Variants in CTNNA3 observed in about 807,000 individuals in gnomAD.
The protein encoded by CTNNA3 is catenin alpha-3.
CTNNA3 carries 76 observed loss-of-function variants against 95.7 expected under a neutral mutation model. That is an observed-to-expected ratio of 0.79 (90% CI 0.66 to 0.96). The LOEUF (loss-of-function observed/expected upper bound fraction) is 0.96. Among genes scored for constraint, CTNNA3 ranks in the 40% least tolerant of loss-of-function variants. The pLI is 0.00. For synonymous variants in CTNNA3, 431 were observed against 374.4 expected, an observed-to-expected ratio of 1.15 and a Z score of -1.74; for missense variants, 1,191 against 1,089.8, an observed-to-expected ratio of 1.09 and a Z score of -1.31.
chr10:67,482,745 T>A (rs1255244933), intron 5 of CTNNA3, among the ~76,000 whole-genome samples: 2 of 152,138 alleles, frequency 1.3e-5, no homozygotes, highest in African/African-American at 4.8e-5. Flanking sequence ...TTTATTTCCT[T>A]CTCCTGCCTG....
chr10:66,888,647 G>T (rs1281687280), intron 7 of CTNNA3, among the ~76,000 whole-genome samples: 2 of 152,006 alleles, frequency 1.3e-5, no homozygotes, highest in Non-Finnish European at 2.9e-5. Flanking sequence ...CAACCTCATA[G>T]AGAAATGCAA....
chr10:67,629,607 G>A (rs1345319033), intron 2 of CTNNA3, among the ~76,000 whole-genome samples: 1 of 152,176 alleles, frequency 6.6e-6, no homozygotes, highest in African/African-American at 2.4e-5. Context: ...CTGCTAATGG[G>A]ACTTCCTTTG....
intron 5 of CTNNA3, among the ~76,000 whole-genome samples, chr10:67,369,998 A>C (rs1314910407): frequency 6.6e-6 from 1 of 152,204 alleles, no homozygotes; most frequent in Non-Finnish European, 1.5e-5. Context: ...AGTTGTATAT[A>C]TGCATGTGTA....
At chr10:67,728,461 A>G (rs1841256973) in intron 1 of CTNNA3, among the ~76,000 whole-genome samples, 1 of 150,716 alleles carries the variant, frequency 6.6e-6, no homozygotes, top group African/African-American at 2.4e-5. Context: ...ATAGAGATAT[A>G]CATATTTTTT....
chr10:66,939,838 T>G (rs2132674655), intron 7 of CTNNA3, among the ~76,000 whole-genome samples: 1 of 152,324 alleles, frequency 6.6e-6, no homozygotes, highest in Middle Eastern at 3.4e-3. Context: ...TTACCTTCTA[T>G]TTGAAATTCC....
rs1468903303 is a variant in CTNNA3 at position 65,952,376 on chromosome 10, G to A, written c.2400+14236C>T. Among the ~76,000 whole-genome samples the A allele has an allele frequency of 2.0e-5, 3 of 152,024 alleles. No individual in the cohort carries two copies. The East Asian group carries it at 5.8e-4, about 29-fold the overall frequency. On this transcript the variant is annotated intron_variant, in intron 17 of 17. Coordinates refer to ENST00000433211, the MANE Select transcript of CTNNA3 (RefSeq NM_013266.4). ...AAGAAACAAAAAGCAACACTCAATAGGGTTGAATTTACTGAAGCATCTTCT... is the reference window on the plus strand; with the variant it reads ...AAGAAACAAAAAGCAACACTCAATAAGGTTGAATTTACTGAAGCATCTTCT...
At chr10:67,375,395 CAG>C (rs1843647321) in intron 5 of CTNNA3, among the ~76,000 whole-genome samples, 1 of 152,134 alleles carries the variant, frequency 6.6e-6, no homozygotes. Flanking sequence ...CACCTGAGGT[CAG>C]GAGTTCACAA....
chr10:66,081,828 G>A (rs910389021), intron 14 of CTNNA3, among the ~76,000 whole-genome samples: 1 of 152,046 alleles, frequency 6.6e-6, no homozygotes, highest in African/African-American at 2.4e-5. Flanking sequence ...TTAAAGCACT[G>A]CACTTTGGCT....
At chr10:66,198,827 G>A (rs765650860) in intron 13 of CTNNA3, among the ~76,000 whole-genome samples, 2 of 152,074 alleles carry the variant, frequency 1.3e-5, no homozygotes, top group African/African-American at 2.4e-5. Flanking sequence ...GTAACTTCAT[G>A]ATTATTGCAT....
At chr10:66,529,014 T>G (rs944355020) in intron 10 of CTNNA3, among the ~76,000 whole-genome samples, 2 of 152,134 alleles carry the variant, frequency 1.3e-5, no homozygotes, top group Non-Finnish European at 2.9e-5. Context: ...TTAAAATTAG[T>G]ATCTAGTTGG....
intron 7 of CTNNA3, among the ~76,000 whole-genome samples, chr10:66,875,257 C>T (rs2132451191): frequency 6.6e-6 from 1 of 152,054 alleles, no homozygotes. Flanking sequence ...TGAGGAAGGG[C>T]CAGGAACATA....
intron 15 of CTNNA3, among the ~76,000 whole-genome samples, chr10:66,027,708 C>T (rs184325091): frequency 6.6e-6 from 1 of 152,246 alleles, no homozygotes; most frequent in Admixed American, 6.5e-5. Flanking sequence ...ATTACAGACA[C>T]AGGCTCCAGA....
intron 7 of CTNNA3, chr10:67,098,652 A>G (rs1012403976): frequency 1.3e-5 from 2 of 152,364 alleles, no homozygotes; most frequent in Non-Finnish European, 2.9e-5. Context: ...TGGACAAAAC[A>G]TCACTGGAAA....
intron 12 of CTNNA3, among the ~76,000 whole-genome samples, chr10:66,368,851 G>T (rs1314422948): frequency 1.3e-5 from 2 of 151,940 alleles, no homozygotes; most frequent in Non-Finnish European, 1.5e-5. Context: ...TGAGGCATGT[G>T]GTAAGGGAAT....
intron 7 of CTNNA3, among the ~76,000 whole-genome samples, chr10:66,986,435 T>C (rs1850732443): frequency 6.6e-6 from 1 of 152,108 alleles, no homozygotes; most frequent in African/African-American, 2.4e-5. Context: ...AGGCAGAGGT[T>C]GCAATAAGCC....
At chr10:67,105,912 C>T (rs1858608961) in intron 7 of CTNNA3, among the ~76,000 whole-genome samples, 1 of 152,116 alleles carries the variant, frequency 6.6e-6, no homozygotes, top group Admixed American at 6.6e-5. Context: ...CATTTTTCCG[C>T]CTTTGGATGT....
chr10:67,453,083 T>C (rs1237010245), intron 5 of CTNNA3, among the ~76,000 whole-genome samples: 1 of 152,080 alleles, frequency 6.6e-6, no homozygotes, highest in Non-Finnish European at 1.5e-5. Flanking sequence ...GGCAGCCAGT[T>C]ATGTAGGAGC....
chr10:66,073,331 GTTC>G (rs1050896308), intron 14 of CTNNA3, among the ~76,000 whole-genome samples: 1 of 152,126 alleles, frequency 6.6e-6, no homozygotes, highest in African/African-American at 2.4e-5. Context: ...AGCCAATATA[GTTC>G]TTCTACAGTG....
intron 13 of CTNNA3, among the ~76,000 whole-genome samples, chr10:66,200,005 C>T (rs1353945045): frequency 1.3e-5 from 2 of 149,900 alleles, no homozygotes; most frequent in African/African-American, 2.5e-5. Flanking sequence ...CAGGAAGTAG[C>T]GTTCAGATAA....
Sources: allele counts gnomAD v4.1 joint callset (sites outside exome capture counted in the v4.1 genomes callset), GRCh38; gene constraint gnomAD v4.1.1; transcripts MANE v1.5; gene names NCBI Gene and HGNC (gene_info 2026-07-23, HGNC 2026-07-21).